The following EEFSEC variants were observed in gnomAD, a reference collection of about 807,000 sequenced individuals.
EEFSEC encodes the protein eukaryotic elongation factor, selenocysteine-tRNA specific.
In EEFSEC, 43 loss-of-function variants were observed where a neutral mutation model predicts 42.1. The ratio of observed to expected loss-of-function variants is 1.02; its 90% CI spans 0.80 to 1.32. EEFSEC has a LOEUF of 1.32. Ranked by LOEUF, EEFSEC falls within the 40% of genes most tolerant of loss-of-function variation. The pLI is 0.00. For synonymous variants in EEFSEC, 354 were observed against 339.1 expected, an observed-to-expected ratio of 1.04 and a Z score of -0.48; for missense variants, 745 against 803.6, an observed-to-expected ratio of 0.93 and a Z score of 0.88.
At position 128,264,704 on chromosome 3, in the gene EEFSEC, C is replaced by T; in HGVS notation, c.709C>T (p.Gln237Ter). The change falls in exon 4 of 7, where the codon CAA (glutamine) becomes TAA (stop). Residue 237 changes from glutamine (Q) to a stop codon, truncating the protein, a stop_gained. Transcript: ENST00000254730. LOFTEE classifies it high-confidence loss of function. ...SVDHCFSIKG[Q>*]GTVMTGTILS... Reference sequence around the variant, plus strand: ...GGACCACTGTTTCTCCATCAAAGGCCAAGGCACTGTGATGACAGGGACCAT... The same window carrying T: ...GGACCACTGTTTCTCCATCAAAGGCTAAGGCACTGTGATGACAGGGACCAT... 6.2e-7 allele frequency: 1 copy of T among 1,614,152 alleles called. No homozygotes were observed. Among genetic ancestry groups the T allele is most frequent in the Non-Finnish European group, 8.5e-7 (1 of 1,180,018 alleles).
At chr3:128,168,089 T>A (rs752312115) in intron 1 of EEFSEC, among the ~76,000 whole-genome samples, 3 of 152,190 alleles carry the variant, frequency 2.0e-5, no homozygotes, top group Non-Finnish European at 2.9e-5. Context: ...GGAAGGGTAT[T>A]AATTCAGACC....
rs372420175 is a variant in EEFSEC, at chr3:128,358,282, C to T, written c.1509C>T (p.Phe503=). Residue 503 remains phenylalanine (F), a synonymous_variant, in exon 6 of 7, where the codon TTC becomes TTT. Coordinates refer to ENST00000254730, the MANE Select transcript of EEFSEC (RefSeq NM_021937.5). ...LFKKETNIQL[F]VGLKVHLSTG... ...AAAAGGAAACCAACATCCAGCTCTT[C>T]GTGGGGCTCAAGGTGCACTTGTCCA... 14 of 1,614,126 alleles carry T rather than the reference C, an allele frequency of 8.7e-6. No individual in the cohort carries two copies. Among genetic ancestry groups the T allele is most frequent in the African/African-American group, 8.0e-5 (6 of 74,940 alleles).
intron 4 of EEFSEC, among the ~76,000 whole-genome samples, chr3:128,316,555 A>C (rs1007890010): frequency 6.6e-6 from 1 of 152,188 alleles, no homozygotes; most frequent in Non-Finnish European, 1.5e-5. Flanking sequence ...AGTGTGCTGC[A>C]CAGCATCTCA....
At chr3:128,239,671 A>T (rs570342981) in intron 1 of EEFSEC, among the ~76,000 whole-genome samples, 1 of 152,224 alleles carries the variant, frequency 6.6e-6, no homozygotes, top group Non-Finnish European at 1.5e-5. Context: ...TCTCCTCTAC[A>T]GGAACCTGAG....
intron 4 of EEFSEC, among the ~76,000 whole-genome samples, chr3:128,340,339 A>G (rs866803205): frequency 1.7e-4 from 26 of 151,408 alleles, no homozygotes; most frequent in African/African-American, 6.1e-4. Context: ...GTTGTCTAAT[A>G]TAGTCATATA....
chr3:128,156,980 G>A (rs1464404256), intron 1 of EEFSEC, among the ~76,000 whole-genome samples: 1 of 152,230 alleles, frequency 6.6e-6, no homozygotes, highest in Non-Finnish European at 1.5e-5. Context: ...CTGAAAGCAA[G>A]GCCTCTTACA....
At chr3:128,423,356 G>A in the EEFSEC span, among the ~76,000 whole-genome samples, 37 of 152,302 alleles carry the variant, frequency 2.4e-4, no homozygotes, top group African/African-American at 8.7e-4. Context: ...GCTCATGTCT[G>A]AAATCCTAGC....
intron 1 of EEFSEC, among the ~76,000 whole-genome samples, chr3:128,170,473 C>T (rs558307752): frequency 6.6e-6 from 1 of 152,032 alleles, no homozygotes; most frequent in East Asian, 1.9e-4. Context: ...TGCACTCCAG[C>T]CTGGGTGGCA....
chr3:128,416,725 G>A, the EEFSEC span, among the ~76,000 whole-genome samples: 1 of 152,122 alleles, frequency 6.6e-6, no homozygotes, highest in East Asian at 1.9e-4. Context: ...GAGCTGGACA[G>A]CATGAACTTG....
chr3:128,190,216 C>T (rs1419726532), intron 1 of EEFSEC, among the ~76,000 whole-genome samples: 1 of 152,186 alleles, frequency 6.6e-6, no homozygotes, highest in East Asian at 1.9e-4. Context: ...TCAGGCAGGT[C>T]CTTCAGGATG....
chr3:128,226,437 C>G (rs1197932161), intron 1 of EEFSEC, among the ~76,000 whole-genome samples: 4 of 152,168 alleles, frequency 2.6e-5, no homozygotes, highest in African/African-American at 9.7e-5. Flanking sequence ...CCGTCCTTTT[C>G]TAACAAAGCT....
At chr3:128,381,566 C>A (rs1456687143) in intron 6 of EEFSEC, among the ~76,000 whole-genome samples, 3 of 152,210 alleles carry the variant, frequency 2.0e-5, no homozygotes, top group Admixed American at 6.5e-5. Context: ...ATTCATGCGT[C>A]AATCACCTCT....
chr3:128,273,013 G>A (rs774335331), intron 4 of EEFSEC, among the ~76,000 whole-genome samples: 11 of 152,206 alleles, frequency 7.2e-5, no homozygotes, highest in Non-Finnish European at 4.4e-5. Flanking sequence ...TCCTCCAGAG[G>A]TTGTCATGAG....
the EEFSEC span, among the ~76,000 whole-genome samples, chr3:128,417,807 T>C: frequency 6.6e-6 from 1 of 152,060 alleles, no homozygotes; most frequent in Non-Finnish European, 1.5e-5. The surrounding 1 kb of genome is among the most constrained non-coding windows in gnomAD (Gnocchi z 4.3). Flanking sequence ...GTGACCTTCA[T>C]CAACAGTGAC....
At chr3:128,338,520 A>G (rs2108071617) in intron 4 of EEFSEC, among the ~76,000 whole-genome samples, 1 of 152,212 alleles carries the variant, frequency 6.6e-6, no homozygotes, top group East Asian at 1.9e-4. Flanking sequence ...AAGCCCTTCT[A>G]GGAGGTCCAT....
intron 4 of EEFSEC, among the ~76,000 whole-genome samples, chr3:128,280,984 C>T (rs903583184): frequency 2.2e-4 from 33 of 152,310 alleles, no homozygotes; most frequent in African/African-American, 7.2e-4. Context: ...CAAATACTTT[C>T]GTCCCTTTCA....
intron 3 of EEFSEC, among the ~76,000 whole-genome samples, chr3:128,263,351 C>T (rs1402638913): frequency 6.6e-6 from 1 of 152,268 alleles, no homozygotes; most frequent in Admixed American, 6.5e-5. Context: ...CCCCCTGCAC[C>T]TGGCTCCGCA....
chr3:128,350,800 A>G (rs1381765354), intron 5 of EEFSEC, among the ~76,000 whole-genome samples: 1 of 152,208 alleles, frequency 6.6e-6, no homozygotes, highest in African/African-American at 2.4e-5. Flanking sequence ...TTCTTCTTTA[A>G]GAGCTGGTCA....
In EEFSEC at chr3:128,366,097, A is replaced by G. The variant is rs533190734; in HGVS notation, c.1600+7724A>G. Among the ~76,000 whole-genome samples the G allele has an allele frequency of 7.9e-5, 12 of 152,372 alleles. No individual in the cohort carries two copies. In the South Asian group the frequency reaches 2.3e-3, roughly 29 times the overall value. On this transcript the variant is annotated intron_variant, in intron 6 of 6. Transcript: ENST00000254730. ...GTCCCAGAAGCTCTATTTGCTAGAA[A>G]TATGGGTCATTTAGTATGGACTGGG...
Sources: allele counts gnomAD v4.1 joint callset (sites outside exome capture counted in the v4.1 genomes callset), GRCh38; gene constraint gnomAD v4.1.1; non-coding constraint Gnocchi (gnomAD v3.1); transcripts MANE v1.5; gene names NCBI Gene and HGNC (gene_info 2026-07-23, HGNC 2026-07-21).